SMCO2: variants seen among roughly 807,000 people sequenced by gnomAD.
SMCO2 encodes single-pass membrane protein with coiled-coil domains 2.
In SMCO2, 25 loss-of-function variants were observed where a neutral mutation model predicts 29.5. That is an observed-to-expected ratio of 0.85 (90% CI 0.62 to 1.18). The LOEUF (loss-of-function observed/expected upper bound fraction) is 1.18. Ranked by LOEUF, SMCO2 falls within the 50% of genes most tolerant of loss-of-function variation. The probability of loss-of-function intolerance (pLI) is 0.00; values close to 1 mark genes in which losing one functional copy is unlikely to be tolerated. For missense variants in SMCO2, 348 were observed against 344.5 expected (o/e 1.01, Z -0.08); for synonymous variants, 117 against 123.3 (o/e 0.95, Z 0.34).
At chr12:27,444,644 T>A in the SMCO2 span, among the ~76,000 whole-genome samples, 285 of 152,156 alleles carry the variant, frequency 1.9e-3, 2 homozygotes, top group Non-Finnish European at 1.4e-3. Context: ...ATCGTATCTG[T>A]CACCTCAGTT....
intron 4 of SMCO2, among the ~76,000 whole-genome samples, chr12:27,483,728 T>C (rs1174336139): frequency 6.6e-6 from 1 of 152,098 alleles, no homozygotes. Context: ...CCCATCCTTT[T>C]TCATTGTTTT....
upstream of SMCO2, among the ~76,000 whole-genome samples, chr12:27,464,536 C>G (rs1330108484): frequency 1.3e-5 from 2 of 151,660 alleles, no homozygotes; most frequent in Non-Finnish European, 2.9e-5. Flanking sequence ...TGGTGAGAAC[C>G]TGTCTCTACA....
Position 27,495,842 on chromosome 12 carries a change from CG to C in SMCO2, c.671del (p.Arg224ProfsTer9). The C allele has an allele frequency of 6.6e-7, 1 of 1,511,588 alleles. No homozygotes were observed. The highest frequency in any genetic ancestry group is 8.9e-7 in the Non-Finnish European group (1 of 1,120,382). 93.6% of individuals were successfully genotyped at this position (1,511,588 alleles called of 1,614,324 possible). A position where few individuals can be genotyped will look rare whatever the true frequency, so the allele number is the denominator to read the frequency against. On this transcript the variant is annotated frameshift_variant, in exon 7 of 8. Coordinates refer to ENST00000298876, the Ensembl canonical transcript of SMCO2. LOFTEE classifies it low-confidence loss of function (END_TRUNC). ...CTTTTTAGTGCAGAAGTCTCCTCCCCGCAATACAGCATGGTAAGTCAGAGCA... is the reference window on the plus strand; with the variant it reads ...CTTTTTAGTGCAGAAGTCTCCTCCCCCAATACAGCATGGTAAGTCAGAGCA...
chr12:27,470,737 C>T, exon 2 of SMCO2: 1 of 1,551,000 alleles, frequency 6.4e-7, no homozygotes, highest in Non-Finnish European at 8.7e-7. Flanking sequence ...TTTCCAAAAG[C>T]TCAATGTGAC....
chr12:27,466,343 C>T (rs978038132), upstream of SMCO2, among the ~76,000 whole-genome samples: 30 of 152,238 alleles, frequency 2.0e-4, no homozygotes, highest in African/African-American at 6.7e-4. Flanking sequence ...ACCCTGGAAG[C>T]GGAGGTTGCA....
At chr12:27,470,557 A>G (rs776199) in intron 1 of SMCO2, 65 bp from the exon 2 acceptor site, 1,497,128 of 1,508,512 alleles carry the variant, frequency 0.99, 742,931 homozygotes, top group East Asian at 1. Context: ...TCTGGTGTCA[A>G]TGAAGAGGAT....
chr12:27,500,461 T>G (rs1167174849), intron 7 of SMCO2, among the ~76,000 whole-genome samples: 3 of 150,722 alleles, frequency 2.0e-5, no homozygotes, highest in Non-Finnish European at 4.4e-5. Context: ...GTGATGAGAT[T>G]ATAGTTTCCT....
At chr12:27,484,799 G>A (rs1421455596) in intron 4 of SMCO2, among the ~76,000 whole-genome samples, 1 of 139,456 alleles carries the variant, frequency 7.2e-6, no homozygotes, top group Admixed American at 8.0e-5. Context: ...GCTGCAGTGA[G>A]CCAAGATCGT....
At chr12:27,483,664 A>G (rs2135560673) in intron 4 of SMCO2, among the ~76,000 whole-genome samples, 1 of 152,240 alleles carries the variant, frequency 6.6e-6, no homozygotes, top group East Asian at 1.9e-4. Flanking sequence ...GCCTCAAGCA[A>G]TCCCCCTGCA....
the SMCO2 span, among the ~76,000 whole-genome samples, chr12:27,450,858 A>G: frequency 6.6e-6 from 1 of 152,242 alleles, no homozygotes. Context: ...GGCTTCATAC[A>G]GTGAGTACTG....
At chr12:27,431,871 A>C in the SMCO2 span, among the ~76,000 whole-genome samples, 1 of 152,112 alleles carries the variant, frequency 6.6e-6, no homozygotes. Flanking sequence ...TTTACATTGC[A>C]ATCACCAGTG....
At chr12:27,460,400 A>C in the SMCO2 span, among the ~76,000 whole-genome samples, 1 of 152,228 alleles carries the variant, frequency 6.6e-6, no homozygotes, top group African/African-American at 2.4e-5. Context: ...GTAAATTAAC[A>C]CAGATTTTGT....
chr12:27,487,828 T>A (rs1949702644), intron 4 of SMCO2, among the ~76,000 whole-genome samples: 1 of 151,862 alleles, frequency 6.6e-6, no homozygotes, highest in African/African-American at 2.4e-5. Flanking sequence ...ATTTCTCTAA[T>A]GGCTAATAAG....
At chr12:27,459,601 A>T in the SMCO2 span, among the ~76,000 whole-genome samples, 3 of 152,216 alleles carry the variant, frequency 2.0e-5, no homozygotes, top group Non-Finnish European at 4.4e-5. Flanking sequence ...AAATCTGCAC[A>T]TGTACCCCGG....
Position 27,488,447 on chromosome 12 carries a change from G to A in SMCO2, c.363-13G>A, listed in dbSNP as rs1273161021. The A allele has an allele frequency of 8.7e-6, 13 of 1,494,990 alleles. No individual in the cohort carries two copies. In the South Asian group the frequency reaches 1.5e-4, roughly 18 times the overall value. The allele number at this position is 1,494,990 out of a possible 1,614,324, so 92.6% of individuals were successfully genotyped here. On this transcript the variant is annotated splice_polypyrimidine_tract_variant and intron_variant, in intron 4 of 7. Transcript: ENST00000298876. ...CTTAATCTGCAGGCCTTAGTATCTT[G>A]GTCTGTTTGCAGCTTATTAAAAGAC...
At chr12:27,455,517 T>C in the SMCO2 span, among the ~76,000 whole-genome samples, 6 of 152,232 alleles carry the variant, frequency 3.9e-5, no homozygotes, top group East Asian at 1.2e-3. Flanking sequence ...TTATTATCTT[T>C]TTGATCAACT....
intron 2 of SMCO2, among the ~76,000 whole-genome samples, chr12:27,472,009 T>C (rs708180): frequency 0.78 from 117,956 of 152,112 alleles, 45,931 homozygotes; most frequent in Middle Eastern, 0.88. Flanking sequence ...GCATTGTTTG[T>C]GATAGCAAAT....
chr12:27,456,905 C>T, the SMCO2 span, among the ~76,000 whole-genome samples: 5 of 152,174 alleles, frequency 3.3e-5, no homozygotes, highest in African/African-American at 9.6e-5. Context: ...CTGTCAGAGC[C>T]GCAGAGGCAT....
chr12:27,444,539 A>C, the SMCO2 span, among the ~76,000 whole-genome samples: 14 of 152,210 alleles, frequency 9.2e-5, no homozygotes, highest in African/African-American at 3.4e-4. Context: ...CAAAGGAAAC[A>C]ACTAACAAAG....
Sources: allele counts gnomAD v4.1 joint callset (sites outside exome capture counted in the v4.1 genomes callset), GRCh38; gene constraint gnomAD v4.1.1; transcripts MANE v1.5; gene names NCBI Gene and HGNC (gene_info 2026-07-23, HGNC 2026-07-21).